DOCK5: variants seen among roughly 807,000 people sequenced by gnomAD.
The protein encoded by DOCK5 is dedicator of cytokinesis protein 5.
In DOCK5, 142 loss-of-function variants were observed where a neutral mutation model predicts 251.8. That is an observed-to-expected ratio of 0.56 (90% CI 0.49 to 0.65). The LOEUF is 0.65. Among genes scored for constraint, DOCK5 ranks in the 30% least tolerant of loss-of-function variants. DOCK5 has a pLI of 0.00. For missense variants in DOCK5, 2,111 were observed against 2,312.3 expected, an observed-to-expected ratio of 0.91 and a Z score of 1.79; for synonymous variants, 842 against 835.5, an observed-to-expected ratio of 1.01 and a Z score of -0.13.
chr8:25,278,619 C>T lies in DOCK5; in HGVS notation c.275C>T (p.Thr92Met), dbSNP rs531185028. 2.9e-5 allele frequency: 47 copies of T among 1,613,904 alleles called. No homozygotes were observed. The East Asian group carries it at 7.6e-4, about 26-fold the overall frequency. The change falls in exon 5 of 52, where the codon ACG becomes ATG. Residue 92 changes from threonine (T) to methionine (M), a missense_variant. By Grantham distance (81) the Thr-to-Met change is moderately conservative (BLOSUM62 -1). Around this residue, in one of 3 missense-constraint regions of DOCK5, gnomAD observed 335 missense variants for 324.9 expected, o/e 1.03. Transcript: ENST00000276440. ...GAGCTCCCCCTGGTGCAGGAGCTCACGTCCACTCTGCGAGAATGGGCTGTC... is the reference window on the plus strand; with the variant it reads ...GAGCTCCCCCTGGTGCAGGAGCTCATGTCCACTCTGCGAGAATGGGCTGTC... ...PGELPLVQELTSTLREWAVIW... is the reference protein window; with the variant it reads ...PGELPLVQELMSTLREWAVIW...
rs568521565 is a variant in DOCK5 at position 25,304,159 on chromosome 8, G to A, written c.977-96G>A. On this transcript the variant is annotated intron_variant, in intron 10 of 51. Coordinates refer to ENST00000276440, the MANE Select transcript of DOCK5 (RefSeq NM_024940.8). ...GTCCCTGCTTAGTACCTTTCTTCCTGCAGTGTTTGATGTTTGCTGATACTG... is the reference window on the plus strand; with the variant it reads ...GTCCCTGCTTAGTACCTTTCTTCCTACAGTGTTTGATGTTTGCTGATACTG... 3.0e-4 allele frequency: 302 copies of A among 1,015,116 alleles called. 2 individuals are homozygous for A. In the African/African-American group the frequency reaches 4.6e-3, roughly 15 times the overall value. 62.9% of individuals were successfully genotyped at this position (1,015,116 alleles called of 1,614,324 possible). A position where few individuals can be genotyped will look rare whatever the true frequency, so the allele number is the denominator to read the frequency against.
chr8:25,361,762 G>A (rs1029800916), intron 28 of DOCK5, among the ~76,000 whole-genome samples: 5 of 152,090 alleles, frequency 3.3e-5, no homozygotes, highest in Admixed American at 2.6e-4. Context: ...CACACTGGCC[G>A]GCCAGGGAGA....
At chr8:25,280,491 G>A (rs565094986) in intron 5 of DOCK5, among the ~76,000 whole-genome samples, 1 of 152,164 alleles carries the variant, frequency 6.6e-6, no homozygotes, top group Admixed American at 6.5e-5. Context: ...CACAGCAGTA[G>A]AAATCACCAA....
chr8:25,234,959 T>A (rs6557827), intron 1 of DOCK5, among the ~76,000 whole-genome samples: 152 of 152,236 alleles, frequency 1.0e-3, no homozygotes, highest in African/African-American at 3.5e-3. Flanking sequence ...TGATGAGGGG[T>A]TAGTGTCCAT....
intron 1 of DOCK5, among the ~76,000 whole-genome samples, chr8:25,188,623 C>G (rs923503610): frequency 3.3e-5 from 5 of 152,156 alleles, no homozygotes; most frequent in Non-Finnish European, 5.9e-5. Context: ...TCTGGGCTTT[C>G]TTAGTTCTTA....
In DOCK5 at chr8:25,214,446, A is replaced by G. The variant is rs1802180918; in HGVS notation, c.44-29228A>G. 2.0e-5 allele frequency among the ~76,000 whole-genome samples: 3 copies of G among 152,110 alleles called. No individual in the cohort carries two copies. The South Asian group carries it at 6.2e-4, about 32-fold the overall frequency. ...CATTTCTGAGCACCTTTGAAAAAGGAAAAGTGGCATTTTCACAGCAAATAT... is the reference window on the plus strand; with the variant it reads ...CATTTCTGAGCACCTTTGAAAAAGGGAAAGTGGCATTTTCACAGCAAATAT... On this transcript the variant is annotated intron_variant, in intron 1 of 51. Coordinates refer to ENST00000276440, the MANE Select transcript of DOCK5 (RefSeq NM_024940.8).
At position 25,361,067 on chromosome 8, in the gene DOCK5, C is replaced by T. The variant is rs547412729; in HGVS notation, c.2950-1980C>T. Among the ~76,000 whole-genome samples the T allele has an allele frequency of 3.0e-4, 45 of 152,260 alleles. 1 individual carries two copies. The South Asian group carries it at 8.9e-3, about 30-fold the overall frequency. On this transcript the variant is annotated intron_variant, in intron 28 of 51. Transcript: ENST00000276440. ...TTGCCTCCCAGTGGCCTTTCAGTCCCTCATGCTGCCTTCTGAGTGAACCGC... is the reference window on the plus strand; with the variant it reads ...TTGCCTCCCAGTGGCCTTTCAGTCCTTCATGCTGCCTTCTGAGTGAACCGC...
chr8:25,323,761 C>G (rs1208282546), intron 16 of DOCK5, 87 bp from the exon 17 acceptor site: 1 of 1,431,638 alleles, frequency 7.0e-7, no homozygotes, highest in Admixed American at 2.0e-5. Flanking sequence ...GAACGCTGCA[C>G]CCCCGAGCAA....
At chr8:25,193,762 T>TG (rs1801644683) in intron 1 of DOCK5, among the ~76,000 whole-genome samples, 1 of 150,334 alleles carries the variant, frequency 6.7e-6, no homozygotes, top group Non-Finnish European at 1.5e-5. Flanking sequence ...GAGACCCTGG[T>TG]CAAAAAAAAG....
intron 6 of DOCK5, among the ~76,000 whole-genome samples, chr8:25,293,045 T>A (rs779774206): frequency 2.0e-5 from 3 of 152,192 alleles, no homozygotes; most frequent in Non-Finnish European, 4.4e-5. Context: ...CAGATATCAC[T>A]GCCTTTAGGA....
intron 40 of DOCK5, among the ~76,000 whole-genome samples, chr8:25,388,242 A>G (rs1399958645): frequency 6.6e-6 from 1 of 152,194 alleles, no homozygotes; most frequent in Non-Finnish European, 1.5e-5. Context: ...TTTGTGCAAT[A>G]CATATTTTTA....
chr8:25,275,561 G>A lies in DOCK5; in HGVS notation c.224+120G>A, dbSNP rs557347844. On this transcript the variant is annotated intron_variant, in intron 4 of 51. Coordinates refer to ENST00000276440, the MANE Select transcript of DOCK5 (RefSeq NM_024940.8). ...ATAGTTCTCTCATCTCAGGCCAGGC[G>A]TGGTGGCTCACGCCTGTAATCCCAG... 7.1e-4 allele frequency: 719 copies of A among 1,012,322 alleles called. 2 individuals carry two copies. Among genetic ancestry groups the A allele is most frequent in the Non-Finnish European group, 7.5e-4 (529 of 701,836 alleles). The allele number at this position is 1,012,322 out of a possible 1,614,324, so 62.7% of individuals were successfully genotyped here.
chr8:25,276,041 A>G (rs1245534460), intron 4 of DOCK5, among the ~76,000 whole-genome samples: 1 of 152,140 alleles, frequency 6.6e-6, no homozygotes, highest in African/African-American at 2.4e-5. Flanking sequence ...TACATTTATT[A>G]TCTGTTCACT....
Position 25,400,950 on chromosome 8 carries a change from A to G in DOCK5, c.4810A>G (p.Ile1604Val), listed in dbSNP as rs1801428636. The G allele has an allele frequency of 1.2e-6, 2 of 1,613,842 alleles. No homozygotes were observed. Among genetic ancestry groups the G allele is most frequent in the South Asian group, 2.2e-5 (2 of 91,084 alleles). ...ALQMPLLTEG[I>V]RIHGEKLTEQ... ...CCAGATGCCCCTGCTAACAGAAGGG[A>G]TCCGCATCCATGGGGAGAAACTCAC... Residue 1604 changes from isoleucine to valine, a missense_variant, in exon 47 of 52, where the codon ATC becomes GTC. Physicochemically the swap from Ile to Val is conservative, Grantham distance 29 (BLOSUM62 3). This residue lies in a region of DOCK5 where 1,717 missense variants were observed against 1,892.4 expected (regional missense o/e 0.91). Transcript: ENST00000276440.
chr8:25,247,599 A>AG (rs1337223311), intron 2 of DOCK5, among the ~76,000 whole-genome samples: 1 of 150,692 alleles, frequency 6.6e-6, no homozygotes, highest in African/African-American at 2.5e-5. Flanking sequence ...TGTCTCAAAA[A>AG]GAAAAAAAAA....
chr8:25,320,868 C>G (rs1463067852), intron 15 of DOCK5, 112 bp from the exon 16 acceptor site: 5 of 863,684 alleles, frequency 5.8e-6, no homozygotes, highest in South Asian at 1.5e-5. Flanking sequence ...AAATCTCACT[C>G]TCTAGTAATT....
intron 17 of DOCK5, among the ~76,000 whole-genome samples, chr8:25,324,289 A>G (rs1488332295): frequency 6.6e-6 from 1 of 152,174 alleles, no homozygotes; most frequent in Non-Finnish European, 1.5e-5. Context: ...TGCATGGCAC[A>G]TGGACAGGTG....
intron 1 of DOCK5, among the ~76,000 whole-genome samples, chr8:25,227,447 A>G (rs1802559254): frequency 1.3e-5 from 2 of 151,854 alleles, no homozygotes; most frequent in African/African-American, 4.8e-5. Flanking sequence ...TAAAATACAT[A>G]ATTATATGCA....
At chr8:25,371,655 T>A (rs1176998198) in intron 34 of DOCK5, among the ~76,000 whole-genome samples, 1 of 152,236 alleles carries the variant, frequency 6.6e-6, no homozygotes, top group African/African-American at 2.4e-5. Flanking sequence ...TCTGATCTTA[T>A]ATGGAATTAA....
Sources: allele counts gnomAD v4.1 joint callset (sites outside exome capture counted in the v4.1 genomes callset), GRCh38; gene constraint gnomAD v4.1.1; regional missense constraint gnomAD v4.1.1; transcripts MANE v1.5; gene names NCBI Gene and HGNC (gene_info 2026-07-23, HGNC 2026-07-21).